The following NAV3 variants were observed in gnomAD, a reference collection of about 807,000 sequenced individuals.
NAV3 encodes the protein pore membrane and/or filament interacting like protein 1.
In NAV3, 87 loss-of-function variants were observed where a neutral mutation model predicts 244.7. The observed-to-expected ratio is 0.36, with a 90% CI of 0.30 to 0.42. The LOEUF is 0.42. NAV3 is among the 20% of genes least tolerant of loss of function. NAV3 has a pLI of 1.00. For synonymous variants in NAV3, 1,126 were observed against 1,042.2 expected (o/e 1.08, Z -1.55); for missense variants, 2,663 against 2,893.3 (o/e 0.92, Z 1.83).
intron 12 of NAV3, among the ~76,000 whole-genome samples, chr12:78,085,763 A>G (rs901421207): frequency 1.3e-5 from 2 of 152,080 alleles, no homozygotes; most frequent in African/African-American, 2.4e-5. Context: ...AGCCAAGAAC[A>G]GATTATTTGG....
chr12:77,682,836 A>AT (rs1357210305), intron 2 of NAV3, among the ~76,000 whole-genome samples: 5 of 151,910 alleles, frequency 3.3e-5, no homozygotes, highest in African/African-American at 9.7e-5. Context: ...TCCTTCACAC[A>AT]TTTTTTTAAT....
chr12:77,681,155 T>C (rs963745455), intron 2 of NAV3, among the ~76,000 whole-genome samples: 1 of 152,190 alleles, frequency 6.6e-6, no homozygotes, highest in Non-Finnish European at 1.5e-5. Context: ...TTACATCTTT[T>C]AATTTTGAAA....
intron 23 of NAV3, among the ~76,000 whole-genome samples, chr12:78,161,472 T>A (rs1187193895): frequency 1.3e-5 from 2 of 152,094 alleles, no homozygotes; most frequent in Non-Finnish European, 2.9e-5. Flanking sequence ...TATCTGTAAG[T>A]GAATTTTCTC....
chr12:77,847,452 T>G (rs1876830986), intron 1 of NAV3, among the ~76,000 whole-genome samples: 1 of 152,144 alleles, frequency 6.6e-6, no homozygotes, highest in Non-Finnish European at 1.5e-5. Context: ...CTCTTATGTA[T>G]GATCTATGTG....
At chr12:77,972,183 A>AGTGT (rs36018341) in intron 5 of NAV3, among the ~76,000 whole-genome samples, 1 of 151,776 alleles carries the variant, frequency 6.6e-6, no homozygotes, top group Non-Finnish European at 1.5e-5. Flanking sequence ...TGTGAGCTTG[A>AGTGT]GTGTGTGTGT....
At chr12:78,012,713 TACTCC>T (rs1185914873) in intron 8 of NAV3, among the ~76,000 whole-genome samples, 4 of 152,168 alleles carry the variant, frequency 2.6e-5, no homozygotes, top group Admixed American at 2.6e-4. Flanking sequence ...TCCAACCACC[TACTCC>T]AGGGGAATAT....
intron 39 of NAV3, among the ~76,000 whole-genome samples, chr12:78,206,453 G>A (rs1960314345): frequency 2.0e-5 from 3 of 152,098 alleles, no homozygotes; most frequent in African/African-American, 7.2e-5. Context: ...TCCTACCTCT[G>A]CAGTTTTTAT....
At chr12:78,188,072 C>T (rs1239330831) in intron 31 of NAV3, among the ~76,000 whole-genome samples, 176 bp from the exon 32 acceptor site, 1 of 151,768 alleles carries the variant, frequency 6.6e-6, no homozygotes, top group Non-Finnish European at 1.5e-5. Context: ...GGTTAGTTGG[C>T]TGAAATATGT....
intron 1 of NAV3, among the ~76,000 whole-genome samples, chr12:77,836,532 A>G (rs1874666681): frequency 1.3e-5 from 2 of 149,684 alleles, no homozygotes; most frequent in Admixed American, 1.3e-4. Context: ...AGAAAGTATT[A>G]TAATCTACAT....
chr12:77,600,525 A>G (rs1049407426), intron 2 of NAV3, among the ~76,000 whole-genome samples: 1 of 152,002 alleles, frequency 6.6e-6, no homozygotes, highest in Non-Finnish European at 1.5e-5. Flanking sequence ...GGGAAAAGCC[A>G]CATTGTATAT....
rs2136815640 is a variant in NAV3 at position 78,021,779 on chromosome 12, C to T, written c.1940C>T (p.Pro647Leu). The part of the protein sequence containing the change: ...AHSENEGTAL[P>L]SADSCTSPTK... Reference sequence around the variant, plus strand: ...TCAGAAAATGAAGGTACCGCTTTACCATCGGCTGACTCCTGTACCAGTCCT... The same window carrying T: ...TCAGAAAATGAAGGTACCGCTTTACTATCGGCTGACTCCTGTACCAGTCCT... The change falls in exon 9 of 40, where the codon CCA (proline) becomes CTA (leucine). Residue 647 changes from proline (P) to leucine (L), a missense_variant. Physicochemically the swap from Pro to Leu is moderately conservative, Grantham distance 98 (BLOSUM62 -3). Coordinates refer to ENST00000397909, the MANE Select transcript of NAV3 (RefSeq NM_001024383.2). The T allele has an allele frequency of 1.2e-6, 2 of 1,609,456 alleles. No homozygotes were observed. The highest frequency in any genetic ancestry group is 1.7e-6 in the Non-Finnish European group (2 of 1,177,434).
intron 2 of NAV3, among the ~76,000 whole-genome samples, chr12:77,632,400 G>A (rs975701353): frequency 6.6e-6 from 1 of 152,152 alleles, no homozygotes; most frequent in African/African-American, 2.4e-5. Context: ...CATGGCGGAT[G>A]GCAAGGAGGA....
At chr12:77,730,338 A>G (rs1161554917) in intron 2 of NAV3, among the ~76,000 whole-genome samples, 1 of 151,946 alleles carries the variant, frequency 6.6e-6, no homozygotes, top group Non-Finnish European at 1.5e-5. Flanking sequence ...TGAAATTTAA[A>G]AAGACATTTA....
At chr12:77,767,525 T>C (rs1435036694) in intron 2 of NAV3, among the ~76,000 whole-genome samples, 1 of 152,136 alleles carries the variant, frequency 6.6e-6, no homozygotes, top group Non-Finnish European at 1.5e-5. Context: ...GCAAGGGATG[T>C]GTGAGTAGGT....
chr12:78,071,271 T>C (rs1482677222), intron 12 of NAV3, among the ~76,000 whole-genome samples: 1 of 152,230 alleles, frequency 6.6e-6, no homozygotes, highest in Non-Finnish European at 1.5e-5. Flanking sequence ...GGTATCTCAC[T>C]GTGGTTTTGA....
At chr12:77,930,516 A>G (rs943972531) in intron 1 of NAV3, among the ~76,000 whole-genome samples, 1 of 152,020 alleles carries the variant, frequency 6.6e-6, no homozygotes, top group Non-Finnish European at 1.5e-5. Flanking sequence ...ATTCTCACAC[A>G]GTGCATCAGA....
At chr12:77,970,925 G>A (rs1362359486) in intron 5 of NAV3, among the ~76,000 whole-genome samples, 1 of 152,056 alleles carries the variant, frequency 6.6e-6, no homozygotes, top group Non-Finnish European at 1.5e-5. Flanking sequence ...TTTACGTAAA[G>A]CATGTTGACT....
chr12:78,168,289 G>A (rs1957862832), intron 23 of NAV3, among the ~76,000 whole-genome samples: 3 of 151,612 alleles, frequency 2.0e-5, no homozygotes, highest in African/African-American at 7.3e-5. Context: ...CAATTTTGCA[G>A]GCACAAAATA....
chr12:77,758,457 ATGTT>A (rs1869297760), intron 2 of NAV3, among the ~76,000 whole-genome samples: 1 of 152,218 alleles, frequency 6.6e-6, no homozygotes, highest in Non-Finnish European at 1.5e-5. Flanking sequence ...AATCAACAAC[ATGTT>A]TGGCCAGAGG....
Sources: allele counts gnomAD v4.1 joint callset (sites outside exome capture counted in the v4.1 genomes callset), GRCh38; gene constraint gnomAD v4.1.1; transcripts MANE v1.5; gene names NCBI Gene and HGNC (gene_info 2026-07-23, HGNC 2026-07-21).